Variants in SHANK2 observed in about 807,000 individuals in gnomAD.
SHANK2 encodes the protein SH3 and multiple ankyrin repeat domains protein 2.
SHANK2 carries 43 observed loss-of-function variants against 133.7 expected under a neutral mutation model. The ratio of observed to expected loss-of-function variants is 0.32; its 90% CI spans 0.25 to 0.41. The LOEUF is 0.41. Among genes scored for constraint, SHANK2 ranks in the 10% least tolerant of loss-of-function variants. SHANK2 has a pLI of 1.00. For missense variants in SHANK2, 1,994 were observed against 2,235.8 expected, an observed-to-expected ratio of 0.89 and a Z score of 2.18; for synonymous variants, 1,017 against 952.8, an observed-to-expected ratio of 1.07 and a Z score of -1.24.
chr11:70,514,621 T>G (rs1554969725), intron 17 of SHANK2, among the ~76,000 whole-genome samples: 4 of 152,230 alleles, frequency 2.6e-5, no homozygotes, highest in Non-Finnish European at 5.9e-5. Flanking sequence ...GTTGCTGGGT[T>G]TTTATATTTT....
intron 13 of SHANK2, among the ~76,000 whole-genome samples, chr11:70,805,135 C>T (rs1948131794): frequency 6.6e-6 from 1 of 152,206 alleles, no homozygotes; most frequent in Admixed American, 6.5e-5. Flanking sequence ...AAGTCCAGGA[C>T]TAACCTGGCT....
intron 1 of SHANK2, among the ~76,000 whole-genome samples, chr11:71,251,069 C>T (rs1046110544): frequency 6.6e-6 from 1 of 152,130 alleles, no homozygotes; most frequent in African/African-American, 2.4e-5. Context: ...TGCCAGCCCC[C>T]GAGAGCCTTA....
chr11:70,905,906 G>A (rs1319792724), intron 10 of SHANK2, among the ~76,000 whole-genome samples: 1 of 151,714 alleles, frequency 6.6e-6, no homozygotes, highest in East Asian at 1.9e-4. Flanking sequence ...CTGCCTCCTG[G>A]GTTCAAGCGA....
At chr11:70,777,610 TG>T (rs1299213804) in intron 14 of SHANK2, among the ~76,000 whole-genome samples, 5 of 152,330 alleles carry the variant, frequency 3.3e-5, no homozygotes, top group African/African-American at 1.2e-4. Flanking sequence ...CAGAGAATAC[TG>T]ATGTGAGTCA....
intron 3 of SHANK2, among the ~76,000 whole-genome samples, chr11:71,135,892 G>C (rs1478028557): frequency 1.6e-4 from 25 of 152,126 alleles, no homozygotes; most frequent in Admixed American, 1.5e-3. Context: ...GTCTGAAGCT[G>C]TTCTGGTTGC....
chr11:71,132,918 C>T (rs1555103930), intron 3 of SHANK2, among the ~76,000 whole-genome samples: 2 of 152,086 alleles, frequency 1.3e-5, no homozygotes, highest in African/African-American at 4.8e-5. Flanking sequence ...ATTACAGAGA[C>T]AGTGGAGGCA....
intron 17 of SHANK2, among the ~76,000 whole-genome samples, chr11:70,603,000 A>G (rs909029732): frequency 1.3e-5 from 2 of 152,252 alleles, no homozygotes; most frequent in South Asian, 2.1e-4. Flanking sequence ...AGAGGTCGGC[A>G]AAGAATGCAG....
intron 11 of SHANK2, among the ~76,000 whole-genome samples, chr11:70,871,488 G>A (rs1490867033): frequency 6.6e-6 from 1 of 152,220 alleles, no homozygotes; most frequent in Non-Finnish European, 1.5e-5. Context: ...TCCTTCACGT[G>A]CTGAGGCCAC....
In SHANK2 at chr11:70,569,939, TAG is replaced by T. The variant is rs34853868; in HGVS notation, c.2062-67010_2062-67009del. Among the ~76,000 whole-genome samples, 2 of 147,490 alleles carry T rather than the reference TAG, an allele frequency of 1.4e-5. No individual in the cohort carries two copies. The highest frequency in any genetic ancestry group is 6.8e-5 in the Admixed American group (1 of 14,798). On this transcript the variant is annotated intron_variant, in intron 17 of 25. Transcript: ENST00000601538. This position sits in a 1 kb window ranked among gnomAD's most constrained non-coding sequence, Gnocchi z 5.1. ...TCACCGAGACAGAGACACAGAGACA[TAG>T]AGAGAGAGAGAGAAGGGAGTGAGAG...
intron 2 of SHANK2, among the ~76,000 whole-genome samples, chr11:71,170,236 T>C (rs1953285249): frequency 6.6e-6 from 1 of 152,234 alleles, no homozygotes; most frequent in Non-Finnish European, 1.5e-5. Context: ...ATATATTAAA[T>C]TTCTAATCAT....
chr11:70,907,117 G>A (rs372553672), intron 10 of SHANK2, among the ~76,000 whole-genome samples: 60 of 152,310 alleles, frequency 3.9e-4, no homozygotes, highest in African/African-American at 1.3e-3. Context: ...CAGGACCCCC[G>A]GCCAGAGGAA....
In SHANK2 at chr11:70,899,884, T is replaced by A. The variant is rs560637627; in HGVS notation, c.1108-3317A>T. 2.0e-5 allele frequency among the ~76,000 whole-genome samples: 3 copies of A among 152,360 alleles called. No individual in the cohort carries two copies. The East Asian group carries it at 5.8e-4, about 29-fold the overall frequency. On this transcript the variant is annotated intron_variant, in intron 10 of 25. Transcript: ENST00000601538. ...GGCCCCAGAGGTGGAGGGCATGGGCTCTGGCCTGGGCTGCCTGGGTGTAAA... is the reference window on the plus strand; with the variant it reads ...GGCCCCAGAGGTGGAGGGCATGGGCACTGGCCTGGGCTGCCTGGGTGTAAA...
chr11:70,876,225 TACACACACACACATATAG>T (rs1489508305), intron 11 of SHANK2, among the ~76,000 whole-genome samples: 28 of 11,218 alleles, frequency 2.5e-3, no homozygotes, highest in African/African-American at 4.4e-3. Context: ...ATATACATAA[TACACACACACACATATAG>T]ACACACACAC....
intron 2 of SHANK2, among the ~76,000 whole-genome samples, chr11:71,187,498 T>C (rs981165071): frequency 1.1e-4 from 16 of 152,208 alleles, no homozygotes; most frequent in Non-Finnish European, 2.2e-4. Context: ...TCAGGACAGT[T>C]CATGGGTTTT....
chr11:71,105,590 T>TAAAAA (rs60654256), intron 6 of SHANK2, among the ~76,000 whole-genome samples: 64 of 77,762 alleles, frequency 8.2e-4, no homozygotes, highest in South Asian at 2.2e-3. Flanking sequence ...AGACTCAGTC[T>TAAAAA]AAAAAAAAAA....
chr11:70,537,377 G>A (rs1252066121), intron 17 of SHANK2, among the ~76,000 whole-genome samples: 1 of 152,184 alleles, frequency 6.6e-6, no homozygotes. Context: ...AATATGACCC[G>A]GGATTTATGG....
intron 17 of SHANK2, among the ~76,000 whole-genome samples, chr11:70,552,692 G>A (rs1358718405): frequency 6.6e-6 from 1 of 152,170 alleles, no homozygotes; most frequent in Non-Finnish European, 1.5e-5. Context: ...TCTCCGTGGC[G>A]CAGGGGGCCA....
At position 70,690,488 on chromosome 11, in the gene SHANK2, G is replaced by GTTTTTTTTTTTTTTTTTTTTTTTTTTTT. The variant is rs35737323; in HGVS notation, c.1853+8172_1853+8199dup. ...ATCATCATAATGTAATACTTCCCAT[G>GTTTTTTTTTTTTTTTTTTTTTTTTTTTT]TTTTTTTTTTTTTTTTTTTTTTTTT... On this transcript the variant is annotated intron_variant, in intron 15 of 25. Transcript: ENST00000601538. 1.5e-4 allele frequency among the ~76,000 whole-genome samples: 5 copies of GTTTTTTTTTTTTTTTTTTTTTTTTTTTT among 32,816 alleles called. 2 individuals carry two copies. Among genetic ancestry groups the GTTTTTTTTTTTTTTTTTTTTTTTTTTTT allele is most frequent in the Non-Finnish European group, 2.5e-4 (5 of 19,650 alleles). 21.5% of individuals were successfully genotyped at this position (32,816 alleles called of 152,430 possible).
At chr11:70,793,239 C>T (rs1947833831) in intron 14 of SHANK2, among the ~76,000 whole-genome samples, 1 of 152,176 alleles carries the variant, frequency 6.6e-6, no homozygotes, top group Admixed American at 6.5e-5. Flanking sequence ...ATTGAAAACA[C>T]AATATTCGTG....
Sources: allele counts gnomAD v4.1 joint callset (sites outside exome capture counted in the v4.1 genomes callset), GRCh38; gene constraint gnomAD v4.1.1; non-coding constraint Gnocchi (gnomAD v3.1); transcripts MANE v1.5; gene names NCBI Gene and HGNC (gene_info 2026-07-23, HGNC 2026-07-21).